Variants in ZNF678 observed in about 807,000 individuals in gnomAD.
The protein encoded by ZNF678 is hypothetical protein MGC42493.
In ZNF678, 5 loss-of-function variants were observed where a neutral mutation model predicts 3.0. The ratio of observed to expected loss-of-function variants is 1.69; its 90% confidence interval spans 0.88 to 3.56. The LOEUF (loss-of-function observed/expected upper bound fraction) is 3.56, where lower values mean the gene tolerates loss of function less well. Among genes scored for constraint, ZNF678 ranks in the 30% most tolerant of loss-of-function variants. ZNF678 has a pLI of 0.00. For missense variants in ZNF678, 593 were observed against 605.0 expected, an observed-to-expected ratio of 0.98 and a Z score of 0.21; for synonymous variants, 218 against 199.6, an observed-to-expected ratio of 1.09 and a Z score of -0.78.
At chr1:227,571,484 G>T (rs531217902) in intron 1 of ZNF678, among the ~76,000 whole-genome samples, 1 of 152,260 alleles carries the variant, frequency 6.6e-6, no homozygotes, top group African/African-American at 2.4e-5. Flanking sequence ...GGATGACAAT[G>T]TGCAGCTTTT....
chr1:227,599,382 G>T (rs1322118854), intron 1 of ZNF678, among the ~76,000 whole-genome samples: 2 of 152,192 alleles, frequency 1.3e-5, no homozygotes, highest in Non-Finnish European at 2.9e-5. Context: ...GCCCACTGCA[G>T]GTCCTCCTGC....
At chr1:227,573,623 A>G (rs1243686395) in intron 1 of ZNF678, among the ~76,000 whole-genome samples, 1 of 152,126 alleles carries the variant, frequency 6.6e-6, no homozygotes, top group African/African-American at 2.4e-5. Flanking sequence ...CCAGTAAACC[A>G]TATTCTTAAT....
intron 1 of ZNF678, among the ~76,000 whole-genome samples, chr1:227,615,607 C>G (rs532146881): frequency 6.6e-6 from 1 of 152,298 alleles, no homozygotes; most frequent in South Asian, 2.1e-4. Flanking sequence ...CATTTTACTT[C>G]CCCATGCAAT....
At position 227,655,244 on chromosome 1, in the gene ZNF678, C is replaced by T. The variant is rs61744670; in HGVS notation, c.994C>T (p.Arg332Trp). ...QCEECGKTFN[R>W]CSHLSSHKRI... ...TGAAGAATGTGGCAAAACTTTTAAT[C>T]GGTGTTCACACCTAAGTAGCCATAA... Residue 332 changes from arginine to tryptophan, a missense_variant, in exon 4 of 4, where the codon CGG (arginine) becomes TGG (tryptophan). Coordinates refer to ENST00000343776, the MANE Select transcript of ZNF678 (RefSeq NM_001367909.1). The T allele has an allele frequency of 1.8e-5, 29 of 1,603,734 alleles. No individual in the cohort carries two copies. Among genetic ancestry groups the T allele is most frequent in the South Asian group, 6.7e-5 (6 of 90,220 alleles).
At chr1:227,573,596 T>G (rs2102718782) in intron 1 of ZNF678, among the ~76,000 whole-genome samples, 1 of 152,348 alleles carries the variant, frequency 6.6e-6, no homozygotes. Flanking sequence ...ACAGTTTTAG[T>G]AAATGTCTAT....
chr1:227,662,813 T>C (rs1248645682), downstream of ZNF678, among the ~76,000 whole-genome samples: 5 of 152,192 alleles, frequency 3.3e-5, no homozygotes, highest in African/African-American at 1.2e-4. Context: ...TGGCTATACC[T>C]ATTAAAGTTT....
intron 1 of ZNF678, among the ~76,000 whole-genome samples, chr1:227,593,890 A>G (rs1657489512): frequency 7.5e-6 from 1 of 133,110 alleles, no homozygotes; most frequent in African/African-American, 2.7e-5. Flanking sequence ...TTGATGTACG[A>G]ACAGCAGTCT....
Position 227,659,474 on chromosome 1 carries a change from A to C in ZNF678, c.*3646A>C, listed in dbSNP as rs552167857. 1 of 152,280 alleles carries C rather than the reference A, an allele frequency of 6.6e-6. No homozygotes were observed. Among genetic ancestry groups the C allele is most frequent in the South Asian group, 2.1e-4 (1 of 4,832 alleles). 9.4% of individuals were successfully genotyped at this position (152,280 alleles called of 1,614,324 possible). A position where few individuals can be genotyped will look rare whatever the true frequency, so the allele number is the denominator to read the frequency against. ...ACCACCTGCTTCTTTAATGTCGTCC[A>C]TATGATCAGCATCAGCACCAGAAAC... On this transcript the variant is annotated 3_prime_UTR_variant, in exon 4 of 4. Coordinates refer to ENST00000343776, the MANE Select transcript of ZNF678 (RefSeq NM_001367909.1).
intron 1 of ZNF678, among the ~76,000 whole-genome samples, chr1:227,643,538 C>A (rs548104795): frequency 2.6e-5 from 4 of 152,240 alleles, no homozygotes; most frequent in Admixed American, 2.6e-4. Flanking sequence ...TAGGGGAGAT[C>A]AGAGGTTTGA....
intron 1 of ZNF678, among the ~76,000 whole-genome samples, chr1:227,567,674 G>A (rs1656728054): frequency 1.3e-5 from 2 of 151,100 alleles, no homozygotes; most frequent in South Asian, 4.2e-4. Flanking sequence ...TACATAAAAA[G>A]TTACTTAATT....
At chr1:227,616,991 C>A (rs145948693) in intron 1 of ZNF678, among the ~76,000 whole-genome samples, 1 of 152,188 alleles carries the variant, frequency 6.6e-6, no homozygotes, top group Non-Finnish European at 1.5e-5. Flanking sequence ...GATAGCAGAT[C>A]CCATGGTGCT....
Position 227,646,574 on chromosome 1 carries a change from G to C in ZNF678, c.-133G>C. Reference sequence around the variant, plus strand: ...ACTGGCATTCAGTGATGTGGTCATAGAATTCTCTCCAGAGGAGTGGGCATG... The same window carrying C: ...ACTGGCATTCAGTGATGTGGTCATACAATTCTCTCCAGAGGAGTGGGCATG... On this transcript the variant is annotated 5_prime_UTR_variant, in exon 2 of 4. The change abolishes the stop of an existing upstream ORF in the 5' untranslated region. Transcript: ENST00000343776. 7.3e-7 allele frequency: 1 copy of C among 1,371,868 alleles called. No homozygotes were observed. The highest frequency in any genetic ancestry group is 9.8e-7 in the Non-Finnish European group (1 of 1,024,340). 85.0% of individuals were successfully genotyped at this position (1,371,868 alleles called of 1,614,324 possible).
intron 1 of ZNF678, among the ~76,000 whole-genome samples, chr1:227,629,186 G>T (rs774008868): frequency 3.7e-4 from 56 of 152,278 alleles, no homozygotes; most frequent in South Asian, 1.0e-3. Flanking sequence ...TGTGCCTCGG[G>T]TCTAAGGGGG....
chr1:227,583,148 A>G (rs1657172349), intron 1 of ZNF678, among the ~76,000 whole-genome samples: 1 of 152,004 alleles, frequency 6.6e-6, no homozygotes, highest in South Asian at 2.1e-4. Context: ...TGGGTCTATT[A>G]TTTCTAAGTT....
chr1:227,600,694 G>A (rs1183399303), intron 1 of ZNF678, among the ~76,000 whole-genome samples: 2 of 152,076 alleles, frequency 1.3e-5, no homozygotes, highest in African/African-American at 4.8e-5. Flanking sequence ...ACGTTTGTCA[G>A]ATACATAGTT....
intron 1 of ZNF678, among the ~76,000 whole-genome samples, chr1:227,599,289 G>T (rs993476700): frequency 1.3e-5 from 2 of 152,136 alleles, no homozygotes; most frequent in Non-Finnish European, 2.9e-5. Flanking sequence ...AGTACCACGC[G>T]GTTGTCCCAC....
intron 1 of ZNF678, among the ~76,000 whole-genome samples, chr1:227,589,704 A>T (rs920857046): frequency 6.6e-6 from 1 of 151,744 alleles, no homozygotes; most frequent in Non-Finnish European, 1.5e-5. Flanking sequence ...ATAACAGGAC[A>T]GGGATTTTTA....
intron 1 of ZNF678, among the ~76,000 whole-genome samples, chr1:227,596,585 T>C (rs1050182896): frequency 3.9e-5 from 6 of 152,176 alleles, no homozygotes; most frequent in African/African-American, 1.4e-4. Flanking sequence ...TGCCTTTTAG[T>C]TTTTACTTCT....
rs751959408 is a variant in ZNF678 at position 227,655,009 on chromosome 1, T to C, written c.759T>C (p.Thr253=). The C allele has an allele frequency of 3.1e-6, 5 of 1,611,388 alleles. No homozygotes were observed. The highest frequency in any genetic ancestry group is 4.2e-6 in the Non-Finnish European group (5 of 1,179,178). The change falls in exon 4 of 4, where the codon ACT becomes ACC. Residue 253 remains threonine, a synonymous_variant. Transcript: ENST00000343776. ...CCTTTAACAAGTTCTCAAACCTTAC[T>C]CAACATAAGAGAATTCATACTGGAG... The part of the protein sequence containing the change: ...CKAFNKFSNL[T]QHKRIHTGEK...
Sources: gnomAD v4.1 joint callset for allele counts (sites outside exome capture counted in the v4.1 genomes callset) on GRCh38, gnomAD v4.1.1 for gene constraint, MANE v1.5 for transcripts, NCBI Gene and HGNC (gene_info 2026-07-23, HGNC 2026-07-21) for gene names.